The following NCALD variants were observed in gnomAD, a reference collection of about 807,000 sequenced individuals.
NCALD encodes the protein neurocalcin delta.
Under a neutral mutation model 18.6 loss-of-function variants are expected in NCALD, and 10 were observed. That is an observed-to-expected ratio of 0.54 (90% CI 0.33 to 0.91). NCALD has a LOEUF of 0.91. NCALD is among the 40% of genes least tolerant of loss of function. NCALD has a pLI of 0.03. For missense variants in NCALD, 184 were observed against 247.6 expected, an observed-to-expected ratio of 0.74 and a Z score of 1.72; for synonymous variants, 88 against 87.4, an observed-to-expected ratio of 1.01 and a Z score of -0.04.
At chr8:102,086,250 T>C (rs2132353329) in intron 1 of NCALD, among the ~76,000 whole-genome samples, 1 of 152,316 alleles carries the variant, frequency 6.6e-6, no homozygotes, top group African/African-American at 2.4e-5. Flanking sequence ...AGTGTATGAT[T>C]GGAAAAATAT....
chr8:101,804,167 T>G (rs1405716938), intron 4 of NCALD, among the ~76,000 whole-genome samples: 1 of 151,568 alleles, frequency 6.6e-6, no homozygotes, highest in East Asian at 1.9e-4. Context: ...CAGTAATTTG[T>G]GAAAATGCAT....
At chr8:101,942,384 C>T (rs1044023698) in intron 2 of NCALD, among the ~76,000 whole-genome samples, 2 of 152,176 alleles carry the variant, frequency 1.3e-5, no homozygotes, top group Non-Finnish European at 2.9e-5. Flanking sequence ...TACTAATGAT[C>T]TATTCTTGCC....
intron 4 of NCALD, among the ~76,000 whole-genome samples, chr8:101,843,299 G>A (rs1814720663): frequency 6.6e-6 from 1 of 152,174 alleles, no homozygotes. Context: ...ATTTGCTGTG[G>A]GAACTTCTCA....
chr8:101,716,191 C>T (rs892735719), intron 2 of NCALD, among the ~76,000 whole-genome samples: 7 of 152,098 alleles, frequency 4.6e-5, no homozygotes, highest in African/African-American at 1.2e-4. Context: ...AAGCTGGATA[C>T]CATCATTCTC....
intron 1 of NCALD, among the ~76,000 whole-genome samples, chr8:102,021,013 C>T (rs1288831806): frequency 2.0e-5 from 3 of 152,200 alleles, no homozygotes. Context: ...GTTGCTCCTC[C>T]AGTCAAGTCA....
At chr8:102,076,064 A>G (rs192743130) in intron 1 of NCALD, among the ~76,000 whole-genome samples, 14 of 152,202 alleles carry the variant, frequency 9.2e-5, no homozygotes, top group Non-Finnish European at 1.6e-4. Flanking sequence ...TAAAACTATT[A>G]TGAAATATTA....
intron 3 of NCALD, among the ~76,000 whole-genome samples, chr8:101,903,719 C>T (rs1817516991): frequency 6.6e-6 from 1 of 152,166 alleles, no homozygotes; most frequent in Admixed American, 6.5e-5. Flanking sequence ...CAAAGGCATC[C>T]CTGCTCTTAC....
rs545480846 is a variant in NCALD at position 101,731,306 on chromosome 8, A to G, written c.-19-11658T>C. 1.9e-4 allele frequency among the ~76,000 whole-genome samples: 29 copies of G among 152,270 alleles called. No homozygotes were observed. The East Asian group carries it at 5.4e-3, about 28-fold the overall frequency. On this transcript the variant is annotated intron_variant, in intron 1 of 3. Transcript: ENST00000220931. ...GACTTTCAGCTTTCACTCTGGACTG[A>G]GGCTGAGCCAGTGCAGGGTTTTTAG...
chr8:102,039,104 G>C (rs1822965800), intron 1 of NCALD, among the ~76,000 whole-genome samples: 1 of 152,202 alleles, frequency 6.6e-6, no homozygotes, highest in African/African-American at 2.4e-5. Context: ...AAGTTGCAAA[G>C]AGGAACTTGA....
chr8:101,813,020 A>C (rs187236078), intron 4 of NCALD, among the ~76,000 whole-genome samples: 3 of 152,210 alleles, frequency 2.0e-5, no homozygotes, highest in African/African-American at 7.2e-5. Flanking sequence ...TTCCTTTGAA[A>C]ATCTTCAATG....
chr8:102,040,058 G>C (rs1822995066), intron 1 of NCALD, among the ~76,000 whole-genome samples: 1 of 152,154 alleles, frequency 6.6e-6, no homozygotes, highest in South Asian at 2.1e-4. Flanking sequence ...GCACACAAAA[G>C]GAACTAAGAC....
chr8:101,827,980 G>A (rs190301400), intron 4 of NCALD, among the ~76,000 whole-genome samples: 3 of 152,300 alleles, frequency 2.0e-5, no homozygotes, highest in African/African-American at 7.2e-5. Flanking sequence ...TAGGTGCTGG[G>A]AATGCACTAT....
intron 1 of NCALD, among the ~76,000 whole-genome samples, chr8:102,023,893 C>T (rs558317569): frequency 7.9e-5 from 12 of 152,156 alleles, no homozygotes; most frequent in Non-Finnish European, 1.8e-4. Context: ...TTCCAGGCAT[C>T]TCAAGAATGC....
At chr8:101,749,371 T>G (rs1161958627) in intron 1 of NCALD, among the ~76,000 whole-genome samples, 3 of 152,214 alleles carry the variant, frequency 2.0e-5, no homozygotes, top group African/African-American at 7.2e-5. Flanking sequence ...CCCATTCTAC[T>G]TTTTGAATAG....
intron 1 of NCALD, among the ~76,000 whole-genome samples, chr8:102,059,988 T>C (rs1328315109): frequency 6.6e-6 from 1 of 152,216 alleles, no homozygotes; most frequent in African/African-American, 2.4e-5. Context: ...TTTTTGTTTT[T>C]GTTTTTGTTT....
chr8:101,867,812 A>G (rs1468752312), intron 4 of NCALD, among the ~76,000 whole-genome samples: 1 of 152,126 alleles, frequency 6.6e-6, no homozygotes, highest in Admixed American at 6.5e-5. Context: ...AATTTACTTA[A>G]TGCACCATCT....
At chr8:101,957,828 C>T (rs1819693365) in intron 2 of NCALD, among the ~76,000 whole-genome samples, 1 of 152,190 alleles carries the variant, frequency 6.6e-6, no homozygotes, top group Non-Finnish European at 1.5e-5. Flanking sequence ...GATTTCAGAG[C>T]TGAGACCCTA....
At chr8:102,116,670 T>A (rs140699004) in intron 1 of NCALD, among the ~76,000 whole-genome samples, 262 of 152,158 alleles carry the variant, frequency 1.7e-3, no homozygotes, top group Non-Finnish European at 3.2e-3. Flanking sequence ...CTTATTTTTA[T>A]CTATTTATTT....
At chr8:101,973,897 G>A (rs1301769652) in intron 2 of NCALD, among the ~76,000 whole-genome samples, 1 of 152,188 alleles carries the variant, frequency 6.6e-6, no homozygotes, top group East Asian at 1.9e-4. Context: ...ACTGTACCAG[G>A]TGCTGAGAGC....
Sources: gnomAD v4.1 joint callset for allele counts (sites outside exome capture counted in the v4.1 genomes callset) on GRCh38, gnomAD v4.1.1 for gene constraint, MANE v1.5 for transcripts, NCBI Gene and HGNC (gene_info 2026-07-23, HGNC 2026-07-21) for gene names.